The following KNDC1 variants were observed in gnomAD, a reference collection of about 807,000 sequenced individuals.
The protein encoded by KNDC1 is kinase non-catalytic C-lobe domain containing 1.
KNDC1 carries 106 observed loss-of-function variants against 172.8 expected under a neutral mutation model. That is an observed-to-expected ratio of 0.61 (90% CI 0.52 to 0.72). KNDC1 has a LOEUF of 0.72. Among genes scored for constraint, KNDC1 ranks in the 30% least tolerant of loss-of-function variants. The pLI, the probability that KNDC1 is intolerant of heterozygous loss-of-function variation, is 0.00. For synonymous variants in KNDC1, 1,083 were observed against 1,062.2 expected (o/e 1.02, Z -0.38); for missense variants, 2,325 against 2,394.5 (o/e 0.97, Z 0.61).
intron 10 of KNDC1, 47 bp downstream of exon 10, chr10:133,195,868 G>A (rs1854177188): frequency 6.9e-7 from 1 of 1,451,082 alleles, no homozygotes; most frequent in Non-Finnish European, 9.1e-7. Context: ...CAAGGACTGT[G>A]GGCAGTGGCC....
In KNDC1 at chr10:133,201,523, C is replaced by T. The variant is rs765428938; in HGVS notation, c.3012C>T (p.Ala1004=). Residue 1004 remains alanine, a synonymous_variant, in exon 17 of 30, where the codon GCC becomes GCT. Coordinates refer to ENST00000304613, the MANE Select transcript of KNDC1 (RefSeq NM_152643.8). ...HRLGKEKPAM[A]RTSSRAPCSP... ...AAGGAAAAGAGAAGCCAGCCATGGC[C>T]AGGACCAGCAGCAGGGCCCCCTGCT... 26 of 1,606,750 alleles carry T rather than the reference C, an allele frequency of 1.6e-5. No individual in the cohort carries two copies. In the Admixed American group the frequency reaches 3.9e-4, roughly 24 times the overall value.
chr10:133,219,838 C>T (rs997730184), intron 28 of KNDC1, 117 bp from the exon 29 acceptor site: 16 of 1,004,230 alleles, frequency 1.6e-5, no homozygotes, highest in Middle Eastern at 5.5e-4. Context: ...GGGTAGACCC[C>T]GTGCGTGGAG....
At chr10:133,216,661 G>C (rs917779168) in intron 26 of KNDC1, among the ~76,000 whole-genome samples, 1 of 152,056 alleles carries the variant, frequency 6.6e-6, no homozygotes, top group Non-Finnish European at 1.5e-5. Context: ...GACGGTGCGA[G>C]ACCCTATCTC....
chr10:133,215,148 C>A (rs543160830), intron 26 of KNDC1, among the ~76,000 whole-genome samples: 1 of 152,220 alleles, frequency 6.6e-6, no homozygotes, highest in South Asian at 2.1e-4. Context: ...CGCCCACCCC[C>A]TCCTGGGCCG....
At chr10:133,200,289 T>A (rs1854322804) in intron 15 of KNDC1, 86 bp from the exon 16 acceptor site, 2 of 999,530 alleles carry the variant, frequency 2.0e-6, no homozygotes, top group African/African-American at 3.4e-5. Flanking sequence ...CGCATAGACG[T>A]GTGGGCCTGT....
In KNDC1 at chr10:133,225,224, T is replaced by C. The variant is rs1471224466; in HGVS notation, c.*334T>C. ...CCTCTCACACACAGATAAGTGGCTC[T>C]TACCCAGCTCTCAGTGACTCCCCCA... On this transcript the variant is annotated 3_prime_UTR_variant, in exon 30 of 30. Coordinates refer to ENST00000304613, the MANE Select transcript of KNDC1 (RefSeq NM_152643.8). 3 of 300,870 alleles carry C rather than the reference T, an allele frequency of 1.0e-5. No individual in the cohort carries two copies. Among genetic ancestry groups the C allele is most frequent in the East Asian group, 9.5e-5 (1 of 10,556 alleles). The allele number at this position is 300,870 out of a possible 1,614,324, so 18.6% of individuals were successfully genotyped here.
intron 3 of KNDC1, among the ~76,000 whole-genome samples, chr10:133,179,791 C>T (rs556978920): frequency 9.1e-4 from 138 of 152,302 alleles, no homozygotes; most frequent in African/African-American, 3.0e-3. Flanking sequence ...GAAGCTGCAA[C>T]GTCCACCTCC....
At chr10:133,208,307 G>GCCCCTT (rs1554919546) in intron 20 of KNDC1, among the ~76,000 whole-genome samples, 3 of 26,290 alleles carry the variant, frequency 1.1e-4, no homozygotes, top group Non-Finnish European at 9.9e-5. Context: ...GAGGGACGTG[G>GCCCCTT]CCCCCCAACC....
intron 26 of KNDC1, among the ~76,000 whole-genome samples, chr10:133,218,240 C>A (rs1845507736): frequency 6.6e-6 from 1 of 152,214 alleles, no homozygotes; most frequent in Admixed American, 6.5e-5. Context: ...TCCAGGAACG[C>A]AGCCCTTTGG....
chr10:133,186,874 G>A (rs1399745854), intron 6 of KNDC1, among the ~76,000 whole-genome samples, 200 bp downstream of exon 6: 1 of 152,224 alleles, frequency 6.6e-6, no homozygotes, highest in South Asian at 2.1e-4. Flanking sequence ...TCACCCAGGC[G>A]TGGCCTCTCG....
In KNDC1 at chr10:133,201,602, G is replaced by A. The variant is rs764023864; in HGVS notation, c.3091G>A (p.Glu1031Lys). 6.2e-6 allele frequency: 10 copies of A among 1,613,016 alleles called. No individual in the cohort carries two copies. The highest frequency in any genetic ancestry group is 1.7e-5 in the Admixed American group (1 of 60,008). The change falls in exon 17 of 30, where the codon GAG (glutamate) becomes AAG (lysine). Residue 1031 changes from glutamate (E) to lysine (K), a missense_variant. Coordinates refer to ENST00000304613, the MANE Select transcript of KNDC1 (RefSeq NM_152643.8). Reference protein sequence around the residue: ...DSDALSRGNFEVGFRPQRSVK... With the variant: ...DSDALSRGNFKVGFRPQRSVK... Reference sequence around the variant, plus strand: ...GGACGCACTGTCACGGGGAAACTTCGAGGTGGGGTTTCGGCCTCAGAGGTC... The same window carrying A: ...GGACGCACTGTCACGGGGAAACTTCAAGGTGGGGTTTCGGCCTCAGAGGTC...
In KNDC1 at chr10:133,186,019, C is replaced by G. The variant is rs779515752; in HGVS notation, c.671C>G (p.Ala224Gly). The G allele has an allele frequency of 6.3e-6, 10 of 1,582,312 alleles. No homozygotes were observed. The highest frequency in any genetic ancestry group is 6.9e-6 in the Non-Finnish European group (8 of 1,165,468). The stretch of plus-strand genomic sequence containing the variant: ...CGGGAGAGACCTGCCCCAGGAAACG[C>G]TGGGCCCAGGAGGCCGCCCGGGGAC... ...SWRERPAPGN[A>G]GPRRPPGDPS... The change falls in exon 6 of 30, where the codon GCT becomes GGT. Residue 224 changes from alanine (A) to glycine (G), a missense_variant. Coordinates refer to ENST00000304613, the MANE Select transcript of KNDC1 (RefSeq NM_152643.8).
At chr10:133,212,295 A>G (rs1335845829) in intron 23 of KNDC1, among the ~76,000 whole-genome samples, 1 of 147,792 alleles carries the variant, frequency 6.8e-6, no homozygotes, top group Non-Finnish European at 1.5e-5. Context: ...ACACACACGC[A>G]TGCACCCTCA....
At chr10:133,199,756 G>C (rs1477093313) in intron 15 of KNDC1, among the ~76,000 whole-genome samples, 154 bp downstream of exon 15, 1 of 152,182 alleles carries the variant, frequency 6.6e-6, no homozygotes, top group Non-Finnish European at 1.5e-5. Flanking sequence ...GGAGATGGGT[G>C]GGGGTCCCAG....
At chr10:133,161,820 AG>A (rs1214350175) in intron 1 of KNDC1, among the ~76,000 whole-genome samples, 1 of 152,156 alleles carries the variant, frequency 6.6e-6, no homozygotes, top group African/African-American at 2.4e-5. Context: ...CTGAGGACGC[AG>A]CTCTTCCCAC....
intron 1 of KNDC1, among the ~76,000 whole-genome samples, chr10:133,166,801 C>T (rs1430813964): frequency 6.6e-6 from 1 of 151,926 alleles, no homozygotes; most frequent in Non-Finnish European, 1.5e-5. Context: ...TGAGCCCTCG[C>T]GGAGTCCAGG....
Position 133,168,292 on chromosome 10 carries a change from G to T in KNDC1, c.340G>T (p.Val114Leu), listed in dbSNP as rs557644848. The T allele has an allele frequency of 6.2e-7, 1 of 1,614,148 alleles. No homozygotes were observed. The highest frequency in any genetic ancestry group is 8.5e-7 in the Non-Finnish European group (1 of 1,180,010). Residue 114 changes from valine to leucine, a missense_variant, in exon 3 of 30, where the codon GTG becomes TTG. Physicochemically the swap from Val to Leu is conservative, Grantham distance 32. Coordinates refer to ENST00000304613, the MANE Select transcript of KNDC1 (RefSeq NM_152643.8). ...EGAFVPPEFD[V>L]TGNTFEAHIY... ...TGCCTTCGTTCCCCCCGAGTTCGACGTGACCGGGAACACCTTTGAGGTAAG... is the reference window on the plus strand; with the variant it reads ...TGCCTTCGTTCCCCCCGAGTTCGACTTGACCGGGAACACCTTTGAGGTAAG...
Position 133,184,499 on chromosome 10 carries a change from G to A in KNDC1, c.625+510G>A, listed in dbSNP as rs538893276. On this transcript the variant is annotated intron_variant, in intron 5 of 29. Transcript: ENST00000304613. ...TGTTCAAATAGATCACATGTGCCTCGTACACACATATTCACTCTTGCTCAC... is the reference window on the plus strand; with the variant it reads ...TGTTCAAATAGATCACATGTGCCTCATACACACATATTCACTCTTGCTCAC... Among the ~76,000 whole-genome samples, 44 of 152,262 alleles carry A rather than the reference G, an allele frequency of 2.9e-4. 1 individual carries two copies. Among genetic ancestry groups the A allele is most frequent in the East Asian group, 1.2e-3 (6 of 5,186 alleles).
chr10:133,218,025 A>C (rs1410554289), intron 26 of KNDC1, among the ~76,000 whole-genome samples: 1 of 149,274 alleles, frequency 6.7e-6, no homozygotes, highest in Non-Finnish European at 1.5e-5. Context: ...GCGCCACTGC[A>C]CTCCAGCCTG....
Sources: allele counts gnomAD v4.1 joint callset (sites outside exome capture counted in the v4.1 genomes callset), GRCh38; gene constraint gnomAD v4.1.1; transcripts MANE v1.5; gene names NCBI Gene and HGNC (gene_info 2026-07-23, HGNC 2026-07-21).